The following PDE4B variants were observed in gnomAD, a reference collection of about 807,000 sequenced individuals.
PDE4B encodes the protein 3',5'-cyclic-AMP phosphodiesterase 4B.
PDE4B carries 20 observed loss-of-function variants against 82.2 expected under a neutral mutation model. The ratio of observed to expected loss-of-function variants is 0.24; its 90% CI spans 0.17 to 0.35. The LOEUF (loss-of-function observed/expected upper bound fraction) is 0.35. Ranked by LOEUF, PDE4B falls within the 10% of genes least tolerant of loss-of-function variation. PDE4B has a pLI of 1.00. For missense variants in PDE4B, 655 were observed against 907.2 expected (o/e 0.72, Z 3.57); for synonymous variants, 320 against 318.9 (o/e 1.00, Z -0.04).
At chr1:65,809,784 A>ATTTTGT (rs919857474) in intron 1 of PDE4B, among the ~76,000 whole-genome samples, 2 of 152,232 alleles carry the variant, frequency 1.3e-5, no homozygotes, top group African/African-American at 4.8e-5. Context: ...TGAATGAGTA[A>ATTTTGT]TTTTGTTTCT....
intron 1 of PDE4B, among the ~76,000 whole-genome samples, chr1:65,850,988 T>C (rs1646325848): frequency 6.6e-6 from 1 of 152,204 alleles, no homozygotes; most frequent in Non-Finnish European, 1.5e-5. Flanking sequence ...AGTGAGATAA[T>C]ACTTGAGGTT....
At chr1:66,025,647 G>A (rs1653392316) in intron 3 of PDE4B, among the ~76,000 whole-genome samples, 2 of 152,164 alleles carry the variant, frequency 1.3e-5, no homozygotes, top group African/African-American at 4.8e-5. Flanking sequence ...GTTTCCATGT[G>A]AGTTTCCTAA....
chr1:65,928,251 C>T (rs183687447), intron 3 of PDE4B, among the ~76,000 whole-genome samples: 3 of 152,154 alleles, frequency 2.0e-5, no homozygotes, highest in Non-Finnish European at 4.4e-5. Context: ...GTCTGGAAAT[C>T]GATTGAGGGG....
Position 66,368,071 on chromosome 1 carries a change from T to G in PDE4B, c.1662+6T>G. On this transcript the variant is annotated splice_donor_region_variant and intron_variant, in intron 15 of 16. Transcript: ENST00000341517. Reference sequence around the variant, plus strand: ...ACTATACCGATCGCATTCAGGTATTTGAGGAAAGTCTTTGATTTAACACAA... The same window carrying G: ...ACTATACCGATCGCATTCAGGTATTGGAGGAAAGTCTTTGATTTAACACAA... 6.2e-6 allele frequency: 10 copies of G among 1,612,192 alleles called. No individual in the cohort carries two copies. Among genetic ancestry groups the G allele is most frequent in the Non-Finnish European group, 8.5e-6 (10 of 1,179,324 alleles).
At chr1:65,794,498 A>G (rs947853890) in intron 1 of PDE4B, among the ~76,000 whole-genome samples, 3 of 152,182 alleles carry the variant, frequency 2.0e-5, no homozygotes, top group Non-Finnish European at 4.4e-5. Flanking sequence ...TTATCTGTAC[A>G]TGAATTCACA....
At chr1:65,900,894 G>A (rs575334735) in intron 1 of PDE4B, among the ~76,000 whole-genome samples, 13 of 152,068 alleles carry the variant, frequency 8.5e-5, no homozygotes, top group African/African-American at 2.7e-4. Context: ...TACTCATATT[G>A]TCAGCGAAGA....
chr1:65,986,353 GACTCTTC>G (rs1243754254), intron 3 of PDE4B, among the ~76,000 whole-genome samples: 1 of 152,136 alleles, frequency 6.6e-6, no homozygotes, highest in Non-Finnish European at 1.5e-5. Flanking sequence ...TGAAACAGCT[GACTCTTC>G]TTATGGAAGT....
At chr1:66,122,601 T>G (rs1216002413) in intron 3 of PDE4B, among the ~76,000 whole-genome samples, 1 of 152,144 alleles carries the variant, frequency 6.6e-6, no homozygotes, top group Non-Finnish European at 1.5e-5. Flanking sequence ...TGTAGATGCC[T>G]TCTTCTATTT....
chr1:65,979,335 G>A lies in PDE4B; in HGVS notation c.281+60500G>A, dbSNP rs533363646. Among the ~76,000 whole-genome samples, 5 of 152,280 alleles carry A rather than the reference G, an allele frequency of 3.3e-5. No homozygotes were observed. The South Asian group carries it at 1.0e-3, about 32-fold the overall frequency. ...CTGTTTCTCTGTGAATCATTCCTTG[G>A]TACACAGTGTTACCATTGTGTTATC... On this transcript the variant is annotated intron_variant, in intron 3 of 16. Coordinates refer to ENST00000341517, the MANE Select transcript of PDE4B (RefSeq NM_002600.4).
At chr1:65,946,298 G>C (rs1025976838) in intron 3 of PDE4B, among the ~76,000 whole-genome samples, 3 of 151,976 alleles carry the variant, frequency 2.0e-5, no homozygotes, top group African/African-American at 7.2e-5. Context: ...GGGGTCACCT[G>C]ATTTTATGAT....
At chr1:65,855,322 T>C (rs1646380427) in intron 1 of PDE4B, among the ~76,000 whole-genome samples, 1 of 152,186 alleles carries the variant, frequency 6.6e-6, no homozygotes, top group African/African-American at 2.4e-5. Flanking sequence ...TTTTGTTTTG[T>C]TCTTTTAAAT....
intron 3 of PDE4B, among the ~76,000 whole-genome samples, chr1:66,059,250 T>C (rs553260671): frequency 6.6e-6 from 1 of 152,258 alleles, no homozygotes; most frequent in East Asian, 1.9e-4. Flanking sequence ...TCATATCACT[T>C]TCCTCAAAGC....
chr1:65,933,005 A>G (rs1297869498), intron 3 of PDE4B, among the ~76,000 whole-genome samples: 1 of 152,188 alleles, frequency 6.6e-6, no homozygotes, highest in Non-Finnish European at 1.5e-5. Context: ...TGGAGGAGAG[A>G]GGAGAGAGAG....
chr1:65,833,816 C>A (rs1348743671), intron 1 of PDE4B, among the ~76,000 whole-genome samples: 1 of 152,178 alleles, frequency 6.6e-6, no homozygotes, highest in African/African-American at 2.4e-5. Flanking sequence ...TTGTTAAGCA[C>A]AGACATTGTT....
chr1:66,154,290 A>T (rs1488717287), intron 3 of PDE4B, among the ~76,000 whole-genome samples: 1 of 152,226 alleles, frequency 6.6e-6, no homozygotes, highest in African/African-American at 2.4e-5. Flanking sequence ...CATAGAGCAC[A>T]GTGCCAAACA....
intron 4 of PDE4B, among the ~76,000 whole-genome samples, chr1:66,254,125 A>G (rs1654004396): frequency 6.6e-6 from 1 of 152,218 alleles, no homozygotes; most frequent in Admixed American, 6.5e-5. Flanking sequence ...GATGCACTTA[A>G]ATCTAAATCC....
At chr1:66,180,461 A>G (rs940641256) in intron 3 of PDE4B, among the ~76,000 whole-genome samples, 4 of 152,216 alleles carry the variant, frequency 2.6e-5, no homozygotes, top group African/African-American at 7.2e-5. Flanking sequence ...GGCATGGCAC[A>G]ATTTATAATT....
intron 1 of PDE4B, among the ~76,000 whole-genome samples, chr1:65,844,365 G>A (rs1158003689): frequency 6.6e-6 from 1 of 152,160 alleles, no homozygotes; most frequent in Non-Finnish European, 1.5e-5. Context: ...AAAGTAGTGC[G>A]CATGGAAGTG....
At chr1:66,116,955 C>T (rs1034260534) in intron 3 of PDE4B, among the ~76,000 whole-genome samples, 1 of 152,146 alleles carries the variant, frequency 6.6e-6, no homozygotes, top group Non-Finnish European at 1.5e-5. Context: ...CTCTGCCCGC[C>T]CTCATTATTT....
Sources: gnomAD v4.1 joint callset for allele counts (sites outside exome capture counted in the v4.1 genomes callset) on GRCh38, gnomAD v4.1.1 for gene constraint, MANE v1.5 for transcripts, NCBI Gene and HGNC (gene_info 2026-07-23, HGNC 2026-07-21) for gene names.